The following SSBP1 variants were observed in gnomAD, a reference collection of about 807,000 sequenced individuals.
SSBP1 encodes the protein single-stranded DNA-binding protein, mitochondrial.
SSBP1 carries 20 observed loss-of-function variants against 27.0 expected under a neutral mutation model. That is an observed-to-expected ratio of 0.74 (90% CI 0.52 to 1.08). SSBP1 has a LOEUF of 1.08. SSBP1 is among the 50% of genes least tolerant of loss of function. The pLI is 0.00. For synonymous variants in SSBP1, 59 were observed against 59.3 expected (o/e 1.00, Z 0.02); for missense variants, 137 against 182.4 (o/e 0.75, Z 1.44).
intron 3 of SSBP1, among the ~76,000 whole-genome samples, chr7:141,742,447 T>G (rs1176088229): frequency 6.6e-6 from 1 of 152,228 alleles, no homozygotes; most frequent in Non-Finnish European, 1.5e-5. Context: ...CTCATTCTTG[T>G]CAACACTGTC....
At position 141,745,601 on chromosome 7, in the gene SSBP1, A is replaced by G. The variant is rs1207358864; in HGVS notation, c.403+17A>G. On this transcript the variant is annotated intron_variant, in intron 6 of 6. Coordinates refer to ENST00000265304, the MANE Select transcript of SSBP1 (RefSeq NM_003143.3). Reference sequence around the variant, plus strand: ...TCATAGCTGGTAAGAAGCTTGTGAAAATAGCTGTTTTTTTCTTTTTCTCCT... The same window carrying G: ...TCATAGCTGGTAAGAAGCTTGTGAAGATAGCTGTTTTTTTCTTTTTCTCCT... The G allele has an allele frequency of 6.2e-7, 1 of 1,612,526 alleles. No individual in the cohort carries two copies. The highest frequency in any genetic ancestry group is 8.5e-7 in the Non-Finnish European group (1 of 1,179,392).
intron 4 of SSBP1, 54 bp from the exon 5 acceptor site, chr7:141,743,848 C>A: frequency 6.4e-7 from 1 of 1,572,756 alleles, no homozygotes; most frequent in Non-Finnish European, 8.6e-7. Flanking sequence ...ATTGGTTTTC[C>A]TGGGCATGTT....
chr7:141,741,426 C>G (rs1397013690), intron 2 of SSBP1: 1 of 152,188 alleles, frequency 6.6e-6, no homozygotes, highest in Non-Finnish European at 1.5e-5. Flanking sequence ...AGGTTGGGGA[C>G]TCTCCTCTAA....
intron 5 of SSBP1, among the ~76,000 whole-genome samples, chr7:141,744,566 A>C (rs1221686261): frequency 6.6e-6 from 1 of 151,960 alleles, no homozygotes; most frequent in Non-Finnish European, 1.5e-5. Flanking sequence ...TGTGTGTAAC[A>C]GCAGTTGTAT....
intron 2 of SSBP1, chr7:141,740,349 G>A (rs1449022569): frequency 6.6e-6 from 1 of 152,164 alleles, no homozygotes. Context: ...CTGATAGAAT[G>A]GCTAGCTCTC....
chr7:141,745,871 A>C (rs1205431423), intron 6 of SSBP1: 4 of 1,114,976 alleles, frequency 3.6e-6, no homozygotes, highest in Middle Eastern at 7.9e-4. Flanking sequence ...AATTACAAAA[A>C]CTCTGAATGT....
intron 5 of SSBP1, among the ~76,000 whole-genome samples, chr7:141,744,369 G>A (rs573431211): frequency 8.5e-5 from 13 of 152,332 alleles, no homozygotes; most frequent in African/African-American, 2.9e-4. Flanking sequence ...CTTCTTGCCT[G>A]TTGGCTGCCA....
chr7:141,750,258 T>G, intron 6 of SSBP1, 53 bp from the exon 7 acceptor site: 203 of 1,298,692 alleles, frequency 1.6e-4, no homozygotes, highest in Non-Finnish European at 2.0e-4. Context: ...AATTATTGAA[T>G]GAGATGGAGA....
Position 141,750,482 on chromosome 7 carries a change from G to T in SSBP1, c.*128G>T, listed in dbSNP as rs1413606271. 1 of 764,096 alleles carries T rather than the reference G, an allele frequency of 1.3e-6. No individual in the cohort carries two copies. Among genetic ancestry groups the T allele is most frequent in the South Asian group, 2.2e-5 (1 of 45,916 alleles). 47.3% of individuals were successfully genotyped at this position (764,096 alleles called of 1,614,324 possible). On this transcript the variant is annotated 3_prime_UTR_variant, in exon 7 of 7. Transcript: ENST00000265304. Reference sequence around the variant, plus strand: ...TAAAATGAGTAATAATCTTTTTTCTGACTGTCGTTCTCGCTCTCCTTTTTG... The same window carrying T: ...TAAAATGAGTAATAATCTTTTTTCTTACTGTCGTTCTCGCTCTCCTTTTTG...
At position 141,750,449 on chromosome 7, in the gene SSBP1, C is replaced by T; in HGVS notation, c.*95C>T. ...TTCCAAGGACAAGAATTAAAATACT[C>T]TTTTACGTAAAATGAGTAATAATCT... is the stretch of plus-strand genomic sequence containing the variant. On this transcript the variant is annotated 3_prime_UTR_variant, in exon 7 of 7. Coordinates refer to ENST00000265304, the MANE Select transcript of SSBP1 (RefSeq NM_003143.3). 9.6e-7 allele frequency: 1 copy of T among 1,039,390 alleles called. No individual in the cohort carries two copies. The highest frequency in any genetic ancestry group is 1.4e-6 in the Non-Finnish European group (1 of 717,050). 64.4% of individuals were successfully genotyped at this position (1,039,390 alleles called of 1,614,324 possible).
chr7:141,750,397 T>G lies in SSBP1; in HGVS notation c.*43T>G, dbSNP rs1799918110. On this transcript the variant is annotated 3_prime_UTR_variant, in exon 7 of 7. Transcript: ENST00000265304. ...TGGCCATCATTTGGTACAGTCTCAT[T>G]TCCAAGTCATGTATAATCTTTATGG... The G allele has an allele frequency of 6.7e-7, 1 of 1,491,632 alleles. No individual in the cohort carries two copies. Among genetic ancestry groups the G allele is most frequent in the Admixed American group, 2.2e-5 (1 of 45,124 alleles). The allele number at this position is 1,491,632 out of a possible 1,614,324, so 92.4% of individuals were successfully genotyped here.
intron 6 of SSBP1, among the ~76,000 whole-genome samples, chr7:141,749,440 C>G (rs1288825202): frequency 6.6e-6 from 1 of 152,174 alleles, no homozygotes; most frequent in Non-Finnish European, 1.5e-5. Context: ...GATAAAAATG[C>G]TAACTCTGTG....
At chr7:141,739,435 T>G (rs1799428564) in intron 2 of SSBP1, 1 of 368,772 alleles carries the variant, frequency 2.7e-6, no homozygotes, top group South Asian at 1.2e-4. Context: ...GTGTGTGTGT[T>G]GCTTGAATTT....
intron 6 of SSBP1, 77 bp from the exon 7 acceptor site, chr7:141,750,234 A>G (rs958221069): frequency 9.7e-7 from 1 of 1,027,322 alleles, no homozygotes; most frequent in African/African-American, 1.6e-5. Flanking sequence ...CTAAAGTTAT[A>G]TGTATTAGAG....
intron 5 of SSBP1, 149 bp downstream of exon 5, chr7:141,744,138 A>G (rs893892808): frequency 3.1e-6 from 2 of 654,934 alleles, no homozygotes; most frequent in South Asian, 4.5e-5. Context: ...AGTCCTTGAT[A>G]CTATATGCAT....
intron 2 of SSBP1, chr7:141,739,533 T>G: frequency 4.9e-6 from 1 of 205,476 alleles, no homozygotes. Context: ...ATGTAGTTGC[T>G]TTTTTGACCA....
chr7:141,739,346 C>A, intron 2 of SSBP1, 156 bp downstream of exon 2: 1 of 505,432 alleles, frequency 2.0e-6, no homozygotes, highest in South Asian at 5.5e-5. Context: ...ACGATTTTGC[C>A]AGTGTAAATT....
In SSBP1 at chr7:141,750,327, G is replaced by A; in HGVS notation, c.420G>A (p.Leu140=). 1 of 1,599,714 alleles carries A rather than the reference G, an allele frequency of 6.3e-7. No individual in the cohort carries two copies. Among genetic ancestry groups the A allele is most frequent in the Non-Finnish European group, 8.5e-7 (1 of 1,175,606 alleles). ...TTTTTACAGATAATATTATATTTCT[G>A]AGTGACCAGACGAAAGAGAAGGAGT... is the stretch of plus-strand genomic sequence containing the variant. ...TTIIADNIIF[L]SDQTKEKE is the part of the protein sequence containing the mutation. The change falls in exon 7 of 7, where the codon CTG becomes CTA. Residue 140 remains leucine (L), a synonymous_variant. Transcript: ENST00000265304.
chr7:141,742,606 A>G (rs1799585450), intron 3 of SSBP1, among the ~76,000 whole-genome samples: 1 of 152,140 alleles, frequency 6.6e-6, no homozygotes, highest in Admixed American at 6.5e-5. Flanking sequence ...TTGTTCTTTT[A>G]GCTCCACAGT....
Sources: allele counts gnomAD v4.1 joint callset (sites outside exome capture counted in the v4.1 genomes callset), GRCh38; gene constraint gnomAD v4.1.1; transcripts MANE v1.5; gene names NCBI Gene and HGNC (gene_info 2026-07-23, HGNC 2026-07-21).